WARS2: variants seen among roughly 807,000 people sequenced by gnomAD.
The protein encoded by WARS2 is tryptophan--tRNA ligase, mitochondrial.
In WARS2, 28 loss-of-function variants were observed where a neutral mutation model predicts 36.5. The observed-to-expected ratio is 0.77, with a 90% confidence interval of 0.57 to 1.05. The LOEUF is 1.05. Among genes scored for constraint, WARS2 ranks in the 50% least tolerant of loss-of-function variants. The pLI, the probability that WARS2 is intolerant of heterozygous loss-of-function variation, is 0.00. For missense variants in WARS2, 435 were observed against 456.8 expected, an observed-to-expected ratio of 0.95 and a Z score of 0.44; for synonymous variants, 174 against 178.4, an observed-to-expected ratio of 0.98 and a Z score of 0.20.
chr1:119,119,362 A>C (rs1655192337), intron 1 of WARS2, among the ~76,000 whole-genome samples: 1 of 152,184 alleles, frequency 6.6e-6, no homozygotes, highest in South Asian at 2.1e-4. Flanking sequence ...CAACAGGAAA[A>C]TATCACAATC....
chr1:119,113,487 T>TTAAGACTAGGAAGGGGTC (rs1201590695), intron 1 of WARS2, among the ~76,000 whole-genome samples: 1 of 152,154 alleles, frequency 6.6e-6, no homozygotes, highest in African/African-American at 2.4e-5. Context: ...AGCAGATTCC[T>TTAAGACTAGGAAGGGGTC]TAAGACTAGG....
At chr1:119,135,715 C>CAGAT (rs113027169) in intron 1 of WARS2, among the ~76,000 whole-genome samples, 40,008 of 146,856 alleles carry the variant, frequency 0.27, 5,534 homozygotes, top group Admixed American at 0.34. Flanking sequence ...ATTAGATAGA[C>CAGAT]AGATAGATAG....
intron 4 of WARS2, among the ~76,000 whole-genome samples, chr1:119,037,526 T>C (rs1442840630): frequency 6.6e-6 from 1 of 152,244 alleles, no homozygotes; most frequent in Non-Finnish European, 1.5e-5. Flanking sequence ...TCCTCATGAC[T>C]AGTTGCTTGT....
At chr1:119,042,423 G>T (rs1648453416) in intron 3 of WARS2, 74 bp from the exon 4 acceptor site, 1 of 1,427,274 alleles carries the variant, frequency 7.0e-7, no homozygotes, top group African/African-American at 1.4e-5. Context: ...GCTAGATTAA[G>T]AAAATTTTAA....
At chr1:119,130,363 A>T (rs1294014028) in intron 1 of WARS2, among the ~76,000 whole-genome samples, 1 of 152,208 alleles carries the variant, frequency 6.6e-6, no homozygotes, top group Admixed American at 6.5e-5. Context: ...CTATATACAG[A>T]TGTAACAAAC....
intron 1 of WARS2, among the ~76,000 whole-genome samples, chr1:119,091,651 GC>G (rs1653056172): frequency 1.3e-5 from 2 of 152,162 alleles, no homozygotes; most frequent in African/African-American, 2.4e-5. Flanking sequence ...AGAAGTGGTG[GC>G]CCATACCAGG....
chr1:119,114,374 T>G (rs1654835682), intron 1 of WARS2, among the ~76,000 whole-genome samples: 1 of 152,178 alleles, frequency 6.6e-6, no homozygotes, highest in Admixed American at 6.5e-5. Context: ...CTGCTTTGCT[T>G]GTTTTATAGT....
At chr1:119,074,859 C>T (rs972076045) in intron 2 of WARS2, among the ~76,000 whole-genome samples, 1 of 152,122 alleles carries the variant, frequency 6.6e-6, no homozygotes, top group Non-Finnish European at 1.5e-5. Flanking sequence ...ACATGAAATA[C>T]AGGCCATTAC....
chr1:119,122,465 A>G (rs1655388841), intron 1 of WARS2, among the ~76,000 whole-genome samples: 2 of 152,244 alleles, frequency 1.3e-5, no homozygotes, highest in Non-Finnish European at 2.9e-5. Context: ...TAGTACAACC[A>G]CTATGGAAAA....
chr1:119,080,916 C>T (rs1360823821), intron 1 of WARS2, among the ~76,000 whole-genome samples: 1 of 152,214 alleles, frequency 6.6e-6, no homozygotes, highest in Non-Finnish European at 1.5e-5. Flanking sequence ...GGAGCATCAA[C>T]CTACAATTCC....
At chr1:119,124,424 A>G (rs1467988580) in intron 1 of WARS2, among the ~76,000 whole-genome samples, 2 of 152,144 alleles carry the variant, frequency 1.3e-5, no homozygotes, top group Non-Finnish European at 2.9e-5. Flanking sequence ...CAGGAAGTGG[A>G]GGTTGCAGTG....
chr1:119,133,331 G>A (rs1264464172), intron 1 of WARS2, among the ~76,000 whole-genome samples: 3 of 152,196 alleles, frequency 2.0e-5, no homozygotes, highest in Admixed American at 2.0e-4. Context: ...ACCATGGCAA[G>A]ATATATAAGT....
chr1:119,065,459 C>A (rs1342989430), intron 2 of WARS2, among the ~76,000 whole-genome samples: 1 of 151,548 alleles, frequency 6.6e-6, no homozygotes, highest in African/African-American at 2.4e-5. Context: ...TGACGAAACC[C>A]CGTCTCTACT....
intron 4 of WARS2, among the ~76,000 whole-genome samples, chr1:119,037,226 C>T (rs1647958943): frequency 6.6e-6 from 1 of 152,014 alleles, no homozygotes; most frequent in East Asian, 1.9e-4. Flanking sequence ...ATTGTTATAA[C>T]TTCTGTCATA....
intron 1 of WARS2, among the ~76,000 whole-genome samples, chr1:119,132,371 G>A (rs1311599751): frequency 2.6e-5 from 4 of 152,126 alleles, no homozygotes; most frequent in South Asian, 2.1e-4. Flanking sequence ...GTAGCCAGTC[G>A]GTGGGCCAAT....
chr1:119,077,468 A>AT (rs964730077), intron 1 of WARS2, among the ~76,000 whole-genome samples: 3 of 152,156 alleles, frequency 2.0e-5, no homozygotes, highest in Non-Finnish European at 2.9e-5. Flanking sequence ...TTGCCTTAAG[A>AT]TTTTTTTATA....
chr1:119,032,862 T>C lies in WARS2; in HGVS notation c.*49A>G, dbSNP rs770370630. On this transcript the variant is annotated 3_prime_UTR_variant, in exon 6 of 6. Transcript: ENST00000235521. ...TTTAGGAAAGCTGCCGTTATCAGAA[T>C]GCATGGAGTGCAAGGCACAAAAGCC... The C allele has an allele frequency of 1.1e-5, 17 of 1,515,062 alleles. No individual in the cohort carries two copies. The highest frequency in any genetic ancestry group is 2.0e-5 in the Admixed American group (1 of 49,142). 93.9% of individuals were successfully genotyped at this position (1,515,062 alleles called of 1,614,324 possible). A position where few individuals can be genotyped will look rare whatever the true frequency, so the allele number is the denominator to read the frequency against.
intron 4 of WARS2, among the ~76,000 whole-genome samples, chr1:119,041,152 T>A (rs1648323325): frequency 1.3e-5 from 2 of 152,212 alleles, no homozygotes; most frequent in Admixed American, 6.5e-5. Flanking sequence ...GATACTGTCA[T>A]CTTCATGCTA....
chr1:119,065,082 T>TA (rs1348931041), intron 2 of WARS2, among the ~76,000 whole-genome samples: 1 of 152,044 alleles, frequency 6.6e-6, no homozygotes, highest in Non-Finnish European at 1.5e-5. Flanking sequence ...AAAGTTAAGT[T>TA]AAAAAAAGAG....
Sources: allele counts gnomAD v4.1 joint callset (sites outside exome capture counted in the v4.1 genomes callset), GRCh38; gene constraint gnomAD v4.1.1; transcripts MANE v1.5; gene names NCBI Gene and HGNC (gene_info 2026-07-23, HGNC 2026-07-21).